Variants in APC2 observed in about 807,000 individuals in gnomAD.
APC2 encodes the protein adenomatous polyposis coli protein 2.
Under a neutral mutation model 72.5 loss-of-function variants are expected in APC2, and 41 were observed. The ratio of observed to expected loss-of-function variants is 0.57; its 90% CI spans 0.44 to 0.73. APC2 has a LOEUF of 0.73. Among genes scored for constraint, APC2 ranks in the 30% least tolerant of loss-of-function variants. The pLI is 0.00. For synonymous variants in APC2, 1,898 were observed against 1,612.0 expected (o/e 1.18, Z -4.25); for missense variants, 3,729 against 3,403.4 (o/e 1.10, Z -2.38).
chr19:1,453,651 A>G (rs1226565724), intron 4 of APC2, 40 bp downstream of exon 4: 2 of 1,562,304 alleles, frequency 1.3e-6, no homozygotes, highest in Middle Eastern at 1.7e-4. Flanking sequence ...CAGCTGGAGC[A>G]TGACTCGGTC....
chr19:1,457,652 C>T (rs2083856294), intron 9 of APC2: 1 of 516,730 alleles, frequency 1.9e-6, no homozygotes, highest in Non-Finnish European at 3.5e-6. Flanking sequence ...GAGCTGAGAT[C>T]ATGCTACTGC....
Position 1,465,757 on chromosome 19 carries a change from C to T in APC2, c.2456C>T (p.Thr819Ile). ...PFLQGQALAR[T>I]PPTRRGGKEA... Reference sequence around the variant, plus strand: ...CTGCAGGGGCAGGCGCTGGCTCGCACCCCGCCCACCCGCCGAGGCGGCAAG... The same window carrying T: ...CTGCAGGGGCAGGCGCTGGCTCGCATCCCGCCCACCCGCCGAGGCGGCAAG... Residue 819 changes from threonine (T) to isoleucine (I), a missense_variant, in exon 15 of 15, where the codon ACC becomes ATC. Transcript: ENST00000590469. 4 of 1,532,298 alleles carry T rather than the reference C, an allele frequency of 2.6e-6. No individual in the cohort carries two copies. The highest frequency in any genetic ancestry group is 3.5e-6 in the Non-Finnish European group (4 of 1,142,244). 94.9% of individuals were successfully genotyped at this position (1,532,298 alleles called of 1,614,324 possible).
At position 1,467,492 on chromosome 19, in the gene APC2, G is replaced by A. The variant is rs545834777; in HGVS notation, c.4191G>A (p.Pro1397=). 29 of 1,457,626 alleles carry A rather than the reference G, an allele frequency of 2.0e-5. No individual in the cohort carries two copies. The highest frequency in any genetic ancestry group is 2.5e-5 in the Non-Finnish European group (28 of 1,106,922). The allele number at this position is 1,457,626 out of a possible 1,614,324, so 90.3% of individuals were successfully genotyped here. Reference sequence around the variant, plus strand: ...GCACTGACTCCGCGGAGGGCACGCCGGTCAACTTCTCTAGCGCCGCCTCGC... The same window carrying A: ...GCACTGACTCCGCGGAGGGCACGCCAGTCAACTTCTCTAGCGCCGCCTCGC... The part of the protein sequence containing the change: ...DSCTDSAEGT[P]VNFSSAASLS... The change falls in exon 15 of 15, where the codon CCG becomes CCA. Residue 1397 remains proline (P), a synonymous_variant. Transcript: ENST00000590469.
upstream of APC2, among the ~76,000 whole-genome samples, chr19:1,446,941 G>T (rs367874846): frequency 6.6e-6 from 1 of 152,216 alleles, no homozygotes; most frequent in South Asian, 2.1e-4. The surrounding 1 kb of genome is among the most constrained non-coding windows in gnomAD (Gnocchi z 6.1). Flanking sequence ...GCAGCGGGGA[G>T]CCCAAGGTCA....
Position 1,467,852 on chromosome 19 carries a change from G to T in APC2, c.4551G>T (p.Glu1517Asp). The T allele has an allele frequency of 6.5e-7, 1 of 1,542,800 alleles. No homozygotes were observed. Among genetic ancestry groups the T allele is most frequent in the Non-Finnish European group, 8.7e-7 (1 of 1,153,612 alleles). Residue 1517 changes from glutamate to aspartate, a missense_variant, in exon 15 of 15, where the codon GAG becomes GAT. Coordinates refer to ENST00000590469, the MANE Select transcript of APC2 (RefSeq NM_005883.3). ...TCTACGGCAACGACTCGGACGAGGA[G>T]CCCCCGGCGGCCGCGCCCACGCCAA... ...YCFYGNDSDE[E>D]PPAAAPTPTH...
At position 1,469,666 on chromosome 19, in the gene APC2, C is replaced by T; in HGVS notation, c.6365C>T (p.Ala2122Val). 1 of 1,266,266 alleles carries T rather than the reference C, an allele frequency of 7.9e-7. No individual in the cohort carries two copies. Among genetic ancestry groups the T allele is most frequent in the Non-Finnish European group, 9.9e-7 (1 of 1,011,356 alleles). 78.4% of individuals were successfully genotyped at this position (1,266,266 alleles called of 1,614,324 possible). The part of the protein sequence containing the change: ...DGAVPAAPAS[A>V]DAARRSSDGE... ...GCCGTCCCCGCGGCCCCTGCCTCAG[C>T]CGACGCCGCGCGCCGCAGCAGCGAC... is the stretch of plus-strand genomic sequence containing the variant. Residue 2122 changes from alanine (A) to valine (V), a missense_variant, in exon 15 of 15, where the codon GCC becomes GTC. By Grantham distance (64) the Ala-to-Val change is moderately conservative. Transcript: ENST00000590469.
chr19:1,446,917 T>G (rs1359673835), upstream of APC2, among the ~76,000 whole-genome samples: 3 of 152,132 alleles, frequency 2.0e-5, no homozygotes, highest in Non-Finnish European at 4.4e-5. The surrounding 1 kb of genome is among the most constrained non-coding windows in gnomAD (Gnocchi z 6.1). Flanking sequence ...GAGGGGAAAC[T>G]GAGGCTGGGG....
At chr19:1,455,927 G>GAGAA in intron 6 of APC2, 149 bp from the exon 7 acceptor site, 1 of 156,956 alleles carries the variant, frequency 6.4e-6, no homozygotes. Flanking sequence ...CTGGATCAGG[G>GAGAA]AGAAGGCAGA....
rs953770858 is a variant in APC2, at chr19:1,472,193, A to T, written c.*1980A>T. ...ACTTGCTGTCCCCATCCATGGCCCG[A>T]GGGGGAACCTGGTGGTCTCTTCTGA... On this transcript the variant is annotated 3_prime_UTR_variant, in exon 15 of 15. Transcript: ENST00000590469. The T allele has an allele frequency of 6.6e-6, 1 of 152,206 alleles. No individual in the cohort carries two copies. The highest frequency in any genetic ancestry group is 6.5e-5 in the Admixed American group (1 of 15,274). The allele number at this position is 152,206 out of a possible 1,614,324, so 9.4% of individuals were successfully genotyped here.
rs1346900996 is a variant in APC2 at position 1,460,255 on chromosome 19, C to G, written c.1378C>G (p.Leu460Val). ...CAAGATGACCCGGGACCCGCTGAAC[C>G]TGGCGCTGCGCCGCTACGCGGGCAT... The part of the protein sequence containing the change: ...MHKMTRDPLN[L>V]ALRRYAGMTL... Residue 460 changes from leucine (L) to valine (V), a missense_variant, in exon 11 of 15, where the codon CTG becomes GTG. Coordinates refer to ENST00000590469, the MANE Select transcript of APC2 (RefSeq NM_005883.3). The G allele has an allele frequency of 6.2e-7, 1 of 1,613,570 alleles. No homozygotes were observed. The highest frequency in any genetic ancestry group is 1.1e-5 in the South Asian group (1 of 91,088).
chr19:1,458,348 G>A (rs2083871152), intron 10 of APC2: 2 of 462,712 alleles, frequency 4.3e-6, no homozygotes, highest in African/African-American at 4.0e-5. Context: ...GACCAGAAGG[G>A]CAAAGATAGA....
In APC2 at chr19:1,460,251, G is replaced by A; in HGVS notation, c.1374G>A (p.Leu458=). The change falls in exon 11 of 15, where the codon CTG becomes CTA. Residue 458 remains leucine, a synonymous_variant. Transcript: ENST00000590469. The part of the protein sequence containing the change: ...YEMHKMTRDP[L]NLALRRYAGM... Reference sequence around the variant, plus strand: ...TGCACAAGATGACCCGGGACCCGCTGAACCTGGCGCTGCGCCGCTACGCGG... The same window carrying A: ...TGCACAAGATGACCCGGGACCCGCTAAACCTGGCGCTGCGCCGCTACGCGG... The A allele has an allele frequency of 1.9e-6, 3 of 1,613,572 alleles. No individual in the cohort carries two copies. Among genetic ancestry groups the A allele is most frequent in the South Asian group, 1.1e-5 (1 of 91,086 alleles).
At chr19:1,461,882 A>T in intron 13 of APC2, 81 bp from the exon 14 acceptor site, 1 of 1,253,318 alleles carries the variant, frequency 8.0e-7, no homozygotes, top group Admixed American at 2.4e-5. Flanking sequence ...AAAAAAACCC[A>T]ACTTCACTGA....
chr19:1,462,585 G>A (rs2083943558), intron 14 of APC2, among the ~76,000 whole-genome samples: 1 of 148,570 alleles, frequency 6.7e-6, no homozygotes, highest in Non-Finnish European at 1.5e-5. Flanking sequence ...AACCCAGGAG[G>A]CAGAGGTTGC....
In APC2 at chr19:1,469,504, C is replaced by A; in HGVS notation, c.6203C>A (p.Pro2068His). The A allele has an allele frequency of 8.8e-7, 1 of 1,133,244 alleles. No homozygotes were observed. Among genetic ancestry groups the A allele is most frequent in the Non-Finnish European group, 1.1e-6 (1 of 922,978 alleles). The allele number at this position is 1,133,244 out of a possible 1,614,324, so 70.2% of individuals were successfully genotyped here. Residue 2068 changes from proline to histidine, a missense_variant, in exon 15 of 15, where the codon CCT becomes CAT. Coordinates refer to ENST00000590469, the MANE Select transcript of APC2 (RefSeq NM_005883.3). ...RQRPPAARPS[P>H]GERPARRTTS... Reference sequence around the variant, plus strand: ...CGGCCCCCCGCGGCCCGACCCAGCCCTGGCGAGCGCCCTGCCCGGCGCACC... The same window carrying A: ...CGGCCCCCCGCGGCCCGACCCAGCCATGGCGAGCGCCCTGCCCGGCGCACC...
intron 5 of APC2, 26 bp downstream of exon 5, chr19:1,455,283 C>A: frequency 6.4e-7 from 1 of 1,564,048 alleles, no homozygotes; most frequent in Non-Finnish European, 8.6e-7. Flanking sequence ...AGCCAGGGGG[C>A]AGCGCGCCCG....
upstream of APC2, among the ~76,000 whole-genome samples, chr19:1,447,734 C>A (rs1316297873): frequency 1.3e-5 from 2 of 152,134 alleles, no homozygotes; most frequent in Admixed American, 1.3e-4. Context: ...GGGGTCTCAG[C>A]CCCCATGTAC....
Position 1,468,295 on chromosome 19 carries a change from C to G in APC2, c.4994C>G (p.Ser1665Cys), listed in dbSNP as rs1351667423. The G allele has an allele frequency of 6.5e-7, 1 of 1,541,066 alleles. No individual in the cohort carries two copies. Among genetic ancestry groups the G allele is most frequent in the Non-Finnish European group, 8.7e-7 (1 of 1,144,480 alleles). Residue 1665 changes from serine (S) to cysteine (C), a missense_variant, in exon 15 of 15, where the codon TCC (serine) becomes TGC (cysteine). By Grantham distance (112) the Ser-to-Cys change is moderately radical. Transcript: ENST00000590469. ...TRLDERPAEGSRERGEEAAGS... is the reference protein window; with the variant it reads ...TRLDERPAEGCRERGEEAAGS... ...CTGGATGAGCGGCCCGCAGAGGGGT[C>G]CCGGGAACGCGGCGAGGAGGCAGCG...
chr19:1,469,033 C>A lies in APC2; in HGVS notation c.5732C>A (p.Thr1911Lys), dbSNP rs1156616849. Residue 1911 changes from threonine (T) to lysine (K), a missense_variant, in exon 15 of 15, where the codon ACG becomes AAG. Coordinates refer to ENST00000590469, the MANE Select transcript of APC2 (RefSeq NM_005883.3). ...PGPGASPVPKTPARTLLAKQH... is the reference protein window; with the variant it reads ...PGPGASPVPKKPARTLLAKQH... ...CCCGGAGCCTCCCCGGTGCCCAAAA[C>A]GCCGGCGCGCACCCTTCTGGCGAAG... 1 of 1,543,314 alleles carries A rather than the reference C, an allele frequency of 6.5e-7. No homozygotes were observed. Among genetic ancestry groups the A allele is most frequent in the South Asian group, 1.2e-5 (1 of 82,696 alleles).
Sources: gnomAD v4.1 joint callset for allele counts (sites outside exome capture counted in the v4.1 genomes callset) on GRCh38, gnomAD v4.1.1 for gene constraint, Gnocchi (gnomAD v3.1) non-coding constraint, MANE v1.5 for transcripts, NCBI Gene and HGNC (gene_info 2026-07-23, HGNC 2026-07-21) for gene names.